RTL4: variants seen among roughly 807,000 people sequenced by gnomAD.
RTL4 encodes the protein retrotransposon Gag like 4, also known as retrotransposon Gag-like protein 4.
Under a neutral mutation model 5.3 loss-of-function variants are expected in RTL4, and 4 were observed. That is an observed-to-expected ratio of 0.75 (90% CI 0.37 to 1.72). RTL4 has a LOEUF of 1.72. Ranked by LOEUF, RTL4 falls within the 40% of genes most tolerant of loss-of-function variation. The pLI is 0.04. For missense variants in RTL4, 260 were observed against 227.1 expected, an observed-to-expected ratio of 1.14 and a Z score of -0.93; for synonymous variants, 98 against 87.3, an observed-to-expected ratio of 1.12 and a Z score of -0.68.
chrX:112,321,579 AAGACAGAC>A, the RTL4 span, among the ~76,000 whole-genome samples: 1 of 109,202 alleles, frequency 9.2e-6, no homozygotes, highest in Admixed American at 9.7e-5. Flanking sequence ...AGAAAGAAGA[AAGACAGAC>A]AGACAGACAG....
At chrX:112,246,374 C>A in the RTL4 span, among the ~76,000 whole-genome samples, 1 of 111,463 alleles carries the variant, frequency 9.0e-6, no homozygotes, top group Non-Finnish European at 1.9e-5. Flanking sequence ...TGGTCTCCAC[C>A]CAGTTTGAGC....
the RTL4 span, among the ~76,000 whole-genome samples, chrX:112,124,471 C>T: frequency 8.9e-6 from 1 of 111,970 alleles, no homozygotes; most frequent in African/African-American, 3.3e-5. Flanking sequence ...TACATATACA[C>T]CATGGAATAT....
At chrX:112,109,500 A>G in the RTL4 span, among the ~76,000 whole-genome samples, 426 of 111,500 alleles carry the variant, frequency 3.8e-3, 3 homozygotes, top group Middle Eastern at 0.018. Flanking sequence ...CCATTTTAAG[A>G]GAGTGCTGAT....
the RTL4 span, among the ~76,000 whole-genome samples, chrX:112,324,594 C>T: frequency 1.8e-5 from 2 of 111,271 alleles, no homozygotes; most frequent in African/African-American, 6.5e-5. Flanking sequence ...GCCTTAATAG[C>T]TACAAATTTC....
chrX:112,412,201 G>A, the RTL4 span, among the ~76,000 whole-genome samples: 1 of 111,223 alleles, frequency 9.0e-6, no homozygotes, highest in Non-Finnish European at 1.9e-5. Context: ...AAAAATTGAA[G>A]AGGACACACA....
chrX:112,222,054 G>A, the RTL4 span, among the ~76,000 whole-genome samples: 1 of 111,830 alleles, frequency 8.9e-6, no homozygotes, highest in South Asian at 3.8e-4. Context: ...AGTATGAAGG[G>A]TAAGTTCTAT....
chrX:112,290,440 G>A, the RTL4 span, among the ~76,000 whole-genome samples: 1 of 112,003 alleles, frequency 8.9e-6, no homozygotes, highest in Non-Finnish European at 1.9e-5. Context: ...GTGACAGACG[G>A]TCTTGACCAA....
chrX:112,296,771 A>G, the RTL4 span, among the ~76,000 whole-genome samples: 1 of 93,259 alleles, frequency 1.1e-5, no homozygotes, highest in African/African-American at 4.2e-5. Flanking sequence ...CACCACGCCC[A>G]GCTAATTTTT....
the RTL4 span, among the ~76,000 whole-genome samples, chrX:112,330,613 A>G: frequency 9.0e-6 from 1 of 111,127 alleles, no homozygotes; most frequent in East Asian, 2.8e-4. Flanking sequence ...TGCCATCCCC[A>G]TAAAGCTACC....
At chrX:112,116,469 C>T in the RTL4 span, among the ~76,000 whole-genome samples, 329 of 111,154 alleles carry the variant, frequency 3.0e-3, 1 homozygote, top group Non-Finnish European at 4.1e-3. Flanking sequence ...TGCCACTACT[C>T]GCTGGGGTGA....
the RTL4 span, among the ~76,000 whole-genome samples, chrX:112,250,003 G>T: frequency 9.0e-6 from 1 of 110,789 alleles, no homozygotes; most frequent in African/African-American, 3.3e-5. Flanking sequence ...AGGGCCGGGC[G>T]CAGTGGCTCA....
At chrX:112,148,280 C>T in the RTL4 span, among the ~76,000 whole-genome samples, 42 of 103,671 alleles carry the variant, frequency 4.1e-4, no homozygotes, top group African/African-American at 1.5e-3. Flanking sequence ...AGCAGAAATA[C>T]GTGTTCCTCT....
the RTL4 span, among the ~76,000 whole-genome samples, chrX:112,368,942 G>T: frequency 8.9e-6 from 1 of 112,586 alleles, no homozygotes; most frequent in Admixed American, 9.3e-5. Flanking sequence ...CAAGAGTATT[G>T]GAATGAATTG....
chrX:112,225,011 A>G, the RTL4 span, among the ~76,000 whole-genome samples: 4 of 112,190 alleles, frequency 3.6e-5, no homozygotes, highest in African/African-American at 1.3e-4. Context: ...AATCTTCATG[A>G]CAACCCCAGC....
chrX:112,190,138 C>CCCTT, the RTL4 span, among the ~76,000 whole-genome samples: 2 of 81,005 alleles, frequency 2.5e-5, no homozygotes, highest in East Asian at 9.2e-4. Context: ...AGTAGCCTGT[C>CCCTT]CCTTTCTTTC....
the RTL4 span, among the ~76,000 whole-genome samples, chrX:112,376,560 G>T: frequency 8.9e-6 from 1 of 112,066 alleles, no homozygotes; most frequent in Non-Finnish European, 1.9e-5. Context: ...CTTCCTTTAA[G>T]ACCTTAAGGA....
chrX:112,452,380 C>T (rs190729774), upstream of RTL4, among the ~76,000 whole-genome samples: 11 of 106,141 alleles, frequency 1.0e-4, no homozygotes, highest in African/African-American at 3.4e-4. Flanking sequence ...GGATTACAGG[C>T]GTGAGCCACC....
At chrX:112,230,369 C>T in the RTL4 span, among the ~76,000 whole-genome samples, 1,112 of 112,462 alleles carry the variant, frequency 9.9e-3, 18 homozygotes, top group African/African-American at 0.034. Context: ...TTTGTTAAGC[C>T]TGTTGGAAGA....
At chrX:112,354,110 T>C in the RTL4 span, among the ~76,000 whole-genome samples, 15 of 111,175 alleles carry the variant, frequency 1.3e-4, no homozygotes, top group Non-Finnish European at 2.8e-4. Context: ...ACCAGAAGTC[T>C]AAAGCTGGAG....
Sources: allele counts gnomAD v4.1 joint callset (sites outside exome capture counted in the v4.1 genomes callset), GRCh38; gene constraint gnomAD v4.1.1; transcripts MANE v1.5; gene names NCBI Gene and HGNC (gene_info 2026-07-23, HGNC 2026-07-21).